Variants in LINGO2 observed in about 807,000 individuals in gnomAD.
LINGO2 encodes leucine-rich repeat and immunoglobulin-like domain-containing nogo receptor-interacting protein 2.
Under a neutral mutation model 30.6 loss-of-function variants are expected in LINGO2, and 14 were observed. The observed-to-expected ratio is 0.46, with a 90% CI of 0.30 to 0.72. The LOEUF is 0.72. LINGO2 is among the 30% of genes least tolerant of loss of function. The pLI, the probability that LINGO2 is intolerant of heterozygous loss-of-function variation, is 0.07. For synonymous variants in LINGO2, 317 were observed against 288.5 expected, an observed-to-expected ratio of 1.10 and a Z score of -1.00; for missense variants, 729 against 751.7, an observed-to-expected ratio of 0.97 and a Z score of 0.35.
the LINGO2 span, among the ~76,000 whole-genome samples, chr9:28,994,045 G>C: frequency 6.6e-6 from 1 of 151,536 alleles, no homozygotes; most frequent in African/African-American, 2.4e-5. Context: ...AGGAAATAAA[G>C]GGTATTCAGT....
the LINGO2 span, among the ~76,000 whole-genome samples, chr9:28,721,419 T>A: frequency 6.6e-6 from 1 of 152,072 alleles, no homozygotes; most frequent in Admixed American, 6.6e-5. Flanking sequence ...CAAATGCCCA[T>A]CAATGATAGA....
At chr9:28,941,242 G>C in the LINGO2 span, among the ~76,000 whole-genome samples, 1 of 152,144 alleles carries the variant, frequency 6.6e-6, no homozygotes, top group Non-Finnish European at 1.5e-5. Flanking sequence ...TGAGAGGCCT[G>C]ACACTTCTCT....
At chr9:28,020,561 CAAAACAAAACAAACA>C (rs1436298708) in intron 4 of LINGO2, among the ~76,000 whole-genome samples, 1 of 84,710 alleles carries the variant, frequency 1.2e-5, no homozygotes, top group African/African-American at 3.9e-5. Flanking sequence ...CAAAACAAAA[CAAAACAAAACAAACA>C]AAACAAGAAA....
chr9:28,650,302 G>A (rs1180076588), intron 1 of LINGO2, among the ~76,000 whole-genome samples: 2 of 152,086 alleles, frequency 1.3e-5, no homozygotes, highest in Non-Finnish European at 2.9e-5. Context: ...AAAGCAGATT[G>A]AGTTGCTTGT....
At chr9:28,004,747 AAG>A (rs1822175449) in intron 5 of LINGO2, among the ~76,000 whole-genome samples, 1 of 152,190 alleles carries the variant, frequency 6.6e-6, no homozygotes, top group South Asian at 2.1e-4. Context: ...GAAGACAGGT[AAG>A]AGAGCTGATG....
At chr9:28,849,355 T>C in the LINGO2 span, among the ~76,000 whole-genome samples, 1 of 151,988 alleles carries the variant, frequency 6.6e-6, no homozygotes, top group Non-Finnish European at 1.5e-5. Context: ...GTTCTGTATG[T>C]GCAATACACA....
At chr9:28,025,983 G>A (rs1563922614) in intron 4 of LINGO2, among the ~76,000 whole-genome samples, 2 of 152,168 alleles carry the variant, frequency 1.3e-5, no homozygotes, top group African/African-American at 4.8e-5. Flanking sequence ...AGACCAAGGA[G>A]GCTGCATGAT....
chr9:29,000,082 C>T, the LINGO2 span, among the ~76,000 whole-genome samples: 10 of 151,922 alleles, frequency 6.6e-5, no homozygotes, highest in African/African-American at 2.2e-4. Flanking sequence ...TGATTAATGA[C>T]GTAATTTTCC....
chr9:28,695,962 G>A, the LINGO2 span, among the ~76,000 whole-genome samples: 1 of 151,734 alleles, frequency 6.6e-6, no homozygotes, highest in Non-Finnish European at 1.5e-5. Flanking sequence ...GTTTCTTTAT[G>A]CTATGCATAT....
intron 4 of LINGO2, among the ~76,000 whole-genome samples, chr9:28,241,487 G>C (rs533451263): frequency 6.6e-6 from 1 of 152,156 alleles, no homozygotes; most frequent in South Asian, 2.1e-4. Flanking sequence ...GAAGGGCAGT[G>C]TGGTGCAGCC....
chr9:29,012,862 G>A, the LINGO2 span, among the ~76,000 whole-genome samples: 4 of 152,130 alleles, frequency 2.6e-5, no homozygotes, highest in Non-Finnish European at 5.9e-5. Context: ...AGTAGACTTT[G>A]ATCCACTAGA....
chr9:28,395,567 G>C (rs1313939263), intron 2 of LINGO2, among the ~76,000 whole-genome samples: 1 of 152,066 alleles, frequency 6.6e-6, no homozygotes, highest in Non-Finnish European at 1.5e-5. Context: ...GCTTAAAGTG[G>C]AAAGCCTGGT....
At chr9:28,291,273 G>T (rs1386673594) in intron 4 of LINGO2, among the ~76,000 whole-genome samples, 1 of 152,178 alleles carries the variant, frequency 6.6e-6, no homozygotes, top group Non-Finnish European at 1.5e-5. Context: ...AGGAAGAGAA[G>T]GATTGGTGGA....
At chr9:28,004,614 A>G (rs1822166602) in intron 5 of LINGO2, among the ~76,000 whole-genome samples, 1 of 148,800 alleles carries the variant, frequency 6.7e-6, no homozygotes, top group African/African-American at 2.6e-5. Flanking sequence ...GTTGATAAAT[A>G]GTGTGATAAG....
the LINGO2 span, among the ~76,000 whole-genome samples, chr9:28,688,917 G>A: frequency 6.6e-6 from 1 of 152,134 alleles, no homozygotes; most frequent in African/African-American, 2.4e-5. Flanking sequence ...TTATTAACGT[G>A]TTGAGGGGAT....
At chr9:28,842,864 T>TAA in the LINGO2 span, among the ~76,000 whole-genome samples, 44 of 152,074 alleles carry the variant, frequency 2.9e-4, no homozygotes, top group African/African-American at 1.0e-3. Context: ...ATAAAGTTAC[T>TAA]CTGAGATGAA....
chr9:28,733,894 T>A, the LINGO2 span, among the ~76,000 whole-genome samples: 3,324 of 152,170 alleles, frequency 0.022, 124 homozygotes, highest in African/African-American at 0.075. Context: ...TTGCCCTAAG[T>A]ACTATCACTA....
At position 27,950,612 on chromosome 9, in the gene LINGO2, G is replaced by C. The variant is rs776337917; in HGVS notation, c.60C>G (p.Ile20Met). ...GGCAGCCAATGGTGGATCCCATGAA[G>C]ATTAACACCACAGCCAGACCCAGGA... is the stretch of plus-strand genomic sequence containing the variant. The change falls in exon 6 of 6, where the codon ATC becomes ATG. Residue 20 changes from isoleucine to methionine, a missense_variant. Ile to Met is a conservative substitution (Grantham distance 10). Coordinates refer to ENST00000379992, the Ensembl canonical transcript of LINGO2. The C allele has an allele frequency of 2.0e-6, 3 of 1,518,392 alleles. No individual in the cohort carries two copies. Among genetic ancestry groups the C allele is most frequent in the Non-Finnish European group, 2.6e-6 (3 of 1,134,142 alleles). The allele number at this position is 1,518,392 out of a possible 1,614,324, so 94.1% of individuals were successfully genotyped here. A position where few individuals can be genotyped will look rare whatever the true frequency, so the allele number is the denominator to read the frequency against.
At chr9:27,964,923 G>A (rs1270296624) in intron 5 of LINGO2, among the ~76,000 whole-genome samples, 1 of 152,034 alleles carries the variant, frequency 6.6e-6, no homozygotes, top group Non-Finnish European at 1.5e-5. Context: ...GTATATGTAT[G>A]TTGCCTTCAA....
Sources: gnomAD v4.1 joint callset for allele counts (sites outside exome capture counted in the v4.1 genomes callset) on GRCh38, gnomAD v4.1.1 for gene constraint, MANE v1.5 for transcripts, NCBI Gene and HGNC (gene_info 2026-07-23, HGNC 2026-07-21) for gene names.